DNAJC1: variants seen among roughly 807,000 people sequenced by gnomAD.
DNAJC1 encodes the protein dnaJ homolog subfamily C member 1.
DNAJC1 carries 58 observed loss-of-function variants against 76.6 expected under a neutral mutation model. The ratio of observed to expected loss-of-function variants is 0.76; its 90% CI spans 0.61 to 0.94. The LOEUF is 0.94. DNAJC1 is among the 40% of genes least tolerant of loss of function. The pLI, the probability that DNAJC1 is intolerant of heterozygous loss-of-function variation, is 0.00. For missense variants in DNAJC1, 689 were observed against 677.3 expected (o/e 1.02, Z -0.19); for synonymous variants, 258 against 267.9 (o/e 0.96, Z 0.36).
In DNAJC1 at chr10:21,879,185, G is replaced by C. The variant is rs573421970; in HGVS notation, c.978+3097C>G. ...CATTGAACTTGGCAATGGTTAACTT[G>C]CATCACCTGTGATAGTTCACTGAGC... On this transcript the variant is annotated intron_variant, in intron 8 of 11. Coordinates refer to ENST00000376980, the MANE Select transcript of DNAJC1 (RefSeq NM_022365.4). 4.0e-3 allele frequency among the ~76,000 whole-genome samples: 616 copies of C among 152,272 alleles called. 2 individuals are homozygous for C. Among genetic ancestry groups the C allele is most frequent in the Middle Eastern group, 0.014 (4 of 294 alleles).
At chr10:21,881,844 TAAAA>T (rs1002377641) in intron 8 of DNAJC1, among the ~76,000 whole-genome samples, 3 of 55,414 alleles carry the variant, frequency 5.4e-5, no homozygotes, top group East Asian at 5.1e-4. Context: ...CCTCAATTTG[TAAAA>T]AAAAAAAAAA....
chr10:21,782,264 G>T (rs959037672), intron 9 of DNAJC1, among the ~76,000 whole-genome samples: 10 of 152,166 alleles, frequency 6.6e-5, no homozygotes, highest in East Asian at 5.8e-4. Context: ...TATAAACACC[G>T]CTATGCAAAT....
chr10:21,920,995 G>T (rs1020328281), intron 3 of DNAJC1, 32 bp from the exon 4 acceptor site: 1 of 1,485,248 alleles, frequency 6.7e-7, no homozygotes, highest in Non-Finnish European at 9.0e-7. Flanking sequence ...TTTTCACGGG[G>T]AGTTTAAAAT....
intron 9 of DNAJC1, among the ~76,000 whole-genome samples, chr10:21,802,246 C>T (rs986599103): frequency 2.0e-5 from 3 of 151,952 alleles, no homozygotes; most frequent in Non-Finnish European, 2.9e-5. Context: ...GCAGTGAGGA[C>T]GAAGGCAGAA....
chr10:21,756,792 T>C (rs774714702), intron 11 of DNAJC1, 37 bp from the exon 12 acceptor site: 20 of 1,598,884 alleles, frequency 1.3e-5, no homozygotes, highest in Admixed American at 8.3e-5. Context: ...GAACAGTCAC[T>C]TGCACAAGTC....
At chr10:21,934,944 G>C (rs1380791354) in intron 1 of DNAJC1, among the ~76,000 whole-genome samples, 1 of 152,082 alleles carries the variant, frequency 6.6e-6, no homozygotes, top group Non-Finnish European at 1.5e-5. Flanking sequence ...CACAGAATAT[G>C]AACTTTACAA....
chr10:21,912,909 A>G (rs2131757961), intron 6 of DNAJC1, among the ~76,000 whole-genome samples: 1 of 152,082 alleles, frequency 6.6e-6, no homozygotes, highest in East Asian at 1.9e-4. Context: ...CCATGGGAGA[A>G]GCAGCTTCTT....
At chr10:21,830,174 A>G (rs957417727) in intron 8 of DNAJC1, among the ~76,000 whole-genome samples, 4 of 152,048 alleles carry the variant, frequency 2.6e-5, no homozygotes, top group African/African-American at 9.7e-5. Flanking sequence ...AGATTTATCA[A>G]CATGATTTCC....
At chr10:21,865,190 A>G (rs2131702412) in intron 8 of DNAJC1, 1 of 152,280 alleles carries the variant, frequency 6.6e-6, no homozygotes, top group East Asian at 1.9e-4. Context: ...TACCTATCAC[A>G]GGTTCTAGTC....
rs749039333 is a variant in DNAJC1 at position 21,926,560 on chromosome 10, CTCTT to C, written c.371+1942_371+1945del. On this transcript the variant is annotated intron_variant, in intron 3 of 11. Coordinates refer to ENST00000376980, the MANE Select transcript of DNAJC1 (RefSeq NM_022365.4). ...CTTTTAGAAGATAATGCTGACTGTG[CTCTT>C]TTTTTTCCTAAAGGAATTATAAACA... Among the ~76,000 whole-genome samples, 6 of 152,082 alleles carry C rather than the reference CTCTT, an allele frequency of 3.9e-5. No homozygotes were observed. The East Asian group carries it at 9.6e-4, about 24-fold the overall frequency.
chr10:21,946,049 CTTTTTT>C (rs71510915), intron 1 of DNAJC1, among the ~76,000 whole-genome samples: 40 of 93,328 alleles, frequency 4.3e-4, no homozygotes, highest in Admixed American at 8.8e-4. Context: ...TTCTTTTCCT[CTTTTTT>C]TTTTTTTTTT....
chr10:21,808,368 ATAG>A (rs1264507936), intron 8 of DNAJC1, among the ~76,000 whole-genome samples: 23 of 152,194 alleles, frequency 1.5e-4, no homozygotes, highest in African/African-American at 4.6e-4. Flanking sequence ...GTGTAAAAGC[ATAG>A]TAGTTTTCTG....
At chr10:21,830,312 T>C (rs1435884856) in intron 8 of DNAJC1, among the ~76,000 whole-genome samples, 1 of 152,244 alleles carries the variant, frequency 6.6e-6, no homozygotes, top group Non-Finnish European at 1.5e-5. Flanking sequence ...TAGGCCTTAG[T>C]TTGTTTGAAA....
At chr10:21,846,730 C>T (rs1262464848) in intron 8 of DNAJC1, among the ~76,000 whole-genome samples, 1 of 152,062 alleles carries the variant, frequency 6.6e-6, no homozygotes, top group Non-Finnish European at 1.5e-5. Flanking sequence ...TCCCAAGTAT[C>T]AAAGTGTTTT....
At chr10:21,985,786 T>C (rs1838236011) in intron 1 of DNAJC1, among the ~76,000 whole-genome samples, 1 of 152,206 alleles carries the variant, frequency 6.6e-6, no homozygotes, top group Non-Finnish European at 1.5e-5. Flanking sequence ...GCATTTGGAA[T>C]TGTTTCCAAT....
intron 6 of DNAJC1, among the ~76,000 whole-genome samples, chr10:21,910,578 G>A (rs980722723): frequency 6.6e-6 from 1 of 151,756 alleles, no homozygotes; most frequent in Non-Finnish European, 1.5e-5. Context: ...ACCAAACACT[G>A]CATGTTCTCA....
intron 1 of DNAJC1, among the ~76,000 whole-genome samples, chr10:21,950,772 G>C (rs1275040514): frequency 3.3e-5 from 5 of 152,190 alleles, no homozygotes; most frequent in Admixed American, 3.3e-4. Context: ...AGTGTGAGTG[G>C]TGTGGATACA....
intron 8 of DNAJC1, among the ~76,000 whole-genome samples, chr10:21,829,408 G>C (rs1835319033): frequency 6.6e-6 from 1 of 151,994 alleles, no homozygotes; most frequent in Non-Finnish European, 1.5e-5. Flanking sequence ...AGTAGAGATG[G>C]GGTTTCACTG....
chr10:21,935,618 A>G (rs939934954), intron 1 of DNAJC1, among the ~76,000 whole-genome samples: 3 of 152,084 alleles, frequency 2.0e-5, no homozygotes, highest in Admixed American at 6.5e-5. Context: ...ACATAAACCT[A>G]TATATCTAAG....
Sources: gnomAD v4.1 joint callset for allele counts (sites outside exome capture counted in the v4.1 genomes callset) on GRCh38, gnomAD v4.1.1 for gene constraint, MANE v1.5 for transcripts, NCBI Gene and HGNC (gene_info 2026-07-23, HGNC 2026-07-21) for gene names.